Variants in WIPF3 observed in about 807,000 individuals in gnomAD.
WIPF3 encodes WAS/WASL interacting protein family member 3.
A neutral mutation model predicts 38.9 loss-of-function variants in WIPF3; 33 were observed. The observed-to-expected ratio is 0.85, with a 90% CI of 0.64 to 1.14. WIPF3 has a LOEUF of 1.14. Ranked by LOEUF, WIPF3 falls within the 50% of genes most tolerant of loss-of-function variation. The pLI is 0.00. For synonymous variants in WIPF3, 324 were observed against 269.3 expected (o/e 1.20, Z -1.99); for missense variants, 711 against 652.5 (o/e 1.09, Z -0.98).
chr7:29,845,975 G>C (rs1784993523), intron 2 of WIPF3, among the ~76,000 whole-genome samples: 1 of 152,158 alleles, frequency 6.6e-6, no homozygotes, highest in African/African-American at 2.4e-5. Context: ...TGTTGTATGA[G>C]AACACCATCA....
At chr7:29,869,024 C>T (rs1208192589) in intron 2 of WIPF3, among the ~76,000 whole-genome samples, 1 of 151,772 alleles carries the variant, frequency 6.6e-6, no homozygotes, top group African/African-American at 2.4e-5. Flanking sequence ...TTCATCCCCA[C>T]TCTTTTTTTT....
intron 6 of WIPF3, 144 bp downstream of exon 6, chr7:29,888,361 C>G (rs1785929201): frequency 9.2e-7 from 1 of 1,082,644 alleles, no homozygotes; most frequent in Admixed American, 2.6e-5. Flanking sequence ...CCAGCACCAA[C>G]CAGCCCATAG....
chr7:29,821,269 A>C (rs1784532758), intron 1 of WIPF3, among the ~76,000 whole-genome samples: 1 of 152,118 alleles, frequency 6.6e-6, no homozygotes, highest in Non-Finnish European at 1.5e-5. Context: ...TGGATATCAC[A>C]GACCTTTTAT....
At chr7:29,817,118 TTGAA>T (rs1305486100) in intron 1 of WIPF3, among the ~76,000 whole-genome samples, 5 of 152,212 alleles carry the variant, frequency 3.3e-5, no homozygotes, top group Admixed American at 2.6e-4. Context: ...TTGAGGGTCT[TTGAA>T]TGTGTTTAAT....
In WIPF3 at chr7:29,892,579, AG is replaced by A. The variant is rs1240210678; in HGVS notation, c.1351+3173del. Among the ~76,000 whole-genome samples the A allele has an allele frequency of 2.0e-5, 3 of 152,346 alleles. 1 individual carries two copies. Among genetic ancestry groups the A allele is most frequent in the Non-Finnish European group, 4.4e-5 (3 of 68,034 alleles). Reference sequence around the variant, plus strand: ...ATACCTTATCATTTGTCCTTAATGCAGAGAGTTTCCAGACAGGGAAAAGGCC... The same window carrying A: ...ATACCTTATCATTTGTCCTTAATGCAAGAGTTTCCAGACAGGGAAAAGGCC... On this transcript the variant is annotated intron_variant, in intron 7 of 8. Transcript: ENST00000242140.
At chr7:29,851,310 T>C (rs1785091867) in intron 2 of WIPF3, among the ~76,000 whole-genome samples, 1 of 152,186 alleles carries the variant, frequency 6.6e-6, no homozygotes, top group South Asian at 2.1e-4. Context: ...ATGTTCTCCT[T>C]GGCTCGGCCA....
intron 7 of WIPF3, among the ~76,000 whole-genome samples, chr7:29,890,856 T>TACAC (rs1785997025): frequency 7.9e-6 from 1 of 126,142 alleles, no homozygotes; most frequent in South Asian, 2.6e-4. Flanking sequence ...GGAGGGGATG[T>TACAC]GGGCCTGCCC....
intron 1 of WIPF3, among the ~76,000 whole-genome samples, chr7:29,834,288 A>C (rs1784764411): frequency 6.6e-6 from 1 of 152,210 alleles, no homozygotes; most frequent in Non-Finnish European, 1.5e-5. Context: ...ATGCAGAATG[A>C]TTGAAAATGA....
At chr7:29,829,470 C>T (rs536167127) in intron 1 of WIPF3, among the ~76,000 whole-genome samples, 3 of 152,170 alleles carry the variant, frequency 2.0e-5, no homozygotes, top group South Asian at 2.1e-4. Context: ...CCACCTGCCT[C>T]GGCCTCCCAA....
intron 7 of WIPF3, 36 bp downstream of exon 7, chr7:29,889,443 C>T (rs368817248): frequency 2.5e-5 from 38 of 1,549,274 alleles, no homozygotes; most frequent in Admixed American, 2.4e-4. Context: ...TGGCATCTCC[C>T]GACCCTTCAA....
chr7:29,833,368 G>C (rs1173794039), intron 1 of WIPF3, among the ~76,000 whole-genome samples: 1 of 152,190 alleles, frequency 6.6e-6, no homozygotes, highest in Non-Finnish European at 1.5e-5. Flanking sequence ...TCCAATCCCA[G>C]GTCTGCTGGT....
chr7:29,878,923 A>G lies in WIPF3; in HGVS notation c.224-86A>G, dbSNP rs1323227598. On this transcript the variant is annotated intron_variant, in intron 3 of 8. Transcript: ENST00000242140. This position sits in a 1 kb window ranked among gnomAD's most constrained non-coding sequence, Gnocchi z 4.0. The stretch of plus-strand genomic sequence containing the variant: ...GGAAGGCTGACAAGGGCAGTGGTAG[A>G]CCAGTGTTAGACCATGGTCTGAAAT... The G allele has an allele frequency of 6.8e-7, 1 of 1,462,994 alleles. No homozygotes were observed. The highest frequency in any genetic ancestry group is 1.4e-5 in the African/African-American group (1 of 71,470). 90.6% of individuals were successfully genotyped at this position (1,462,994 alleles called of 1,614,324 possible). A position where few individuals can be genotyped will look rare whatever the true frequency, so the allele number is the denominator to read the frequency against.
intron 2 of WIPF3, among the ~76,000 whole-genome samples, 189 bp downstream of exon 2, chr7:29,835,003 C>G (rs1309219935): frequency 1.3e-5 from 2 of 152,056 alleles, no homozygotes; most frequent in Non-Finnish European, 2.9e-5. Context: ...TTCTCTCCCC[C>G]ATTCTTCGGC....
rs1785784446 is a variant in WIPF3 at position 29,884,035 on chromosome 7, C to A, written c.541C>A (p.Pro181Thr). 3 of 1,440,706 alleles carry A rather than the reference C, an allele frequency of 2.1e-6. No homozygotes were observed. The African/African-American group carries it at 4.4e-5, about 21-fold the overall frequency. The allele number at this position is 1,440,706 out of a possible 1,614,324, so 89.2% of individuals were successfully genotyped here. ...VPAPPPPTPP[P>T]PPPPLPPPLP... ...TGCCCCGCCCCCTCCCACCCCACCC[C>A]CTCCGCCTCCACCCTTACCCCCGCC... Residue 181 changes from proline to threonine, a missense_variant, in exon 5 of 9, where the codon CCT becomes ACT. Transcript: ENST00000242140.
At chr7:29,857,404 C>A (rs1213455374) in intron 2 of WIPF3, among the ~76,000 whole-genome samples, 3 of 152,090 alleles carry the variant, frequency 2.0e-5, no homozygotes, top group Non-Finnish European at 4.4e-5. Flanking sequence ...CAACTCATTC[C>A]ACAAAAAGTT....
rs115582411 is a variant in WIPF3, at chr7:29,869,021, C to T, written c.91-6809C>T. Among the ~76,000 whole-genome samples, 680 of 152,080 alleles carry T rather than the reference C, an allele frequency of 4.5e-3. 6 individuals carry two copies. The highest frequency in any genetic ancestry group is 0.016 in the African/African-American group (656 of 41,486). ...TGGCAATCTTACCCATACTTCATCCCCACTCTTTTTTTTTTTTCATTTTTT... is the reference window on the plus strand; with the variant it reads ...TGGCAATCTTACCCATACTTCATCCTCACTCTTTTTTTTTTTTCATTTTTT... On this transcript the variant is annotated intron_variant, in intron 2 of 8. Coordinates refer to ENST00000242140, the MANE Select transcript of WIPF3 (RefSeq NM_001080529.3).
At chr7:29,861,077 T>C (rs1367959970) in intron 2 of WIPF3, among the ~76,000 whole-genome samples, 1 of 152,190 alleles carries the variant, frequency 6.6e-6, no homozygotes, top group Non-Finnish European at 1.5e-5. Context: ...ATGACTTATC[T>C]ATGTCGCATA....
chr7:29,859,250 A>G (rs913409968), intron 2 of WIPF3, among the ~76,000 whole-genome samples: 17 of 152,200 alleles, frequency 1.1e-4, no homozygotes, highest in Non-Finnish European at 2.2e-4. Flanking sequence ...AAGACGGTTG[A>G]GCAGGGAGCT....
chr7:29,915,768 C>G lies in WIPF3; in HGVS notation c.*1252C>G, dbSNP rs1048450377. Reference sequence around the variant, plus strand: ...ACCCCTGATGTTCCCCATCTTTGGTCGGGGAAGACTGTGACAGAGGAAGGA... The same window carrying G: ...ACCCCTGATGTTCCCCATCTTTGGTGGGGGAAGACTGTGACAGAGGAAGGA... On this transcript the variant is annotated 3_prime_UTR_variant, in exon 9 of 9. Transcript: ENST00000242140. 2 of 152,110 alleles carry G rather than the reference C, an allele frequency of 1.3e-5. No homozygotes were observed. The highest frequency in any genetic ancestry group is 2.1e-4 in the South Asian group (1 of 4,818). 9.4% of individuals were successfully genotyped at this position (152,110 alleles called of 1,614,324 possible).
Sources: gnomAD v4.1 joint callset for allele counts (sites outside exome capture counted in the v4.1 genomes callset) on GRCh38, gnomAD v4.1.1 for gene constraint, Gnocchi (gnomAD v3.1) non-coding constraint, MANE v1.5 for transcripts, NCBI Gene and HGNC (gene_info 2026-07-23, HGNC 2026-07-21) for gene names.